RPGRIP1L: variants seen among roughly 807,000 people sequenced by gnomAD.
RPGRIP1L encodes the protein RPGRIP1 like, also known as protein fantom.
A neutral mutation model predicts 160.4 loss-of-function variants in RPGRIP1L; 131 were observed. The observed-to-expected ratio is 0.82, with a 90% CI of 0.71 to 0.94. The LOEUF (loss-of-function observed/expected upper bound fraction) is 0.94. Among genes scored for constraint, RPGRIP1L ranks in the 40% least tolerant of loss-of-function variants. RPGRIP1L has a pLI of 0.00. For missense variants in RPGRIP1L, 1,522 were observed against 1,535.8 expected (o/e 0.99, Z 0.15); for synonymous variants, 510 against 515.8 (o/e 0.99, Z 0.15).
At chr16:53,678,310 T>C (rs1461857185) in intron 6 of RPGRIP1L, among the ~76,000 whole-genome samples, 1 of 152,138 alleles carries the variant, frequency 6.6e-6, no homozygotes, top group Non-Finnish European at 1.5e-5. Flanking sequence ...CTCATATAAT[T>C]TGAAACAGTC....
chr16:53,605,976 G>A (rs1963656831), intron 25 of RPGRIP1L, among the ~76,000 whole-genome samples: 1 of 152,168 alleles, frequency 6.6e-6, no homozygotes, highest in Non-Finnish European at 1.5e-5. Flanking sequence ...TAAAGACCAT[G>A]GAGGTTAAAT....
intron 17 of RPGRIP1L, among the ~76,000 whole-genome samples, chr16:53,642,614 G>A (rs983054482): frequency 6.6e-6 from 1 of 152,126 alleles, no homozygotes; most frequent in Non-Finnish European, 1.5e-5. Flanking sequence ...AACCATTTAA[G>A]GAGTCTGGAA....
intron 9 of RPGRIP1L, among the ~76,000 whole-genome samples, chr16:53,669,008 T>C (rs1296272032): frequency 6.6e-6 from 1 of 152,204 alleles, no homozygotes; most frequent in Non-Finnish European, 1.5e-5. Flanking sequence ...CATATTTTTC[T>C]CCTGAAAACT....
intron 14 of RPGRIP1L, among the ~76,000 whole-genome samples, chr16:53,655,851 T>C (rs891956477): frequency 2.0e-5 from 3 of 152,178 alleles, no homozygotes; most frequent in Non-Finnish European, 2.9e-5. Context: ...TAGGAATAAT[T>C]AGAACCAGCT....
chr16:53,702,556 C>G (rs1971523855), intron 1 of RPGRIP1L, among the ~76,000 whole-genome samples: 1 of 152,204 alleles, frequency 6.6e-6, no homozygotes, highest in Non-Finnish European at 1.5e-5. Context: ...CCTTGTCTTG[C>G]TCAAGGCCTT....
chr16:53,625,328 C>G (rs1211970469), intron 22 of RPGRIP1L, among the ~76,000 whole-genome samples: 1 of 151,336 alleles, frequency 6.6e-6, no homozygotes, highest in Non-Finnish European at 1.5e-5. Context: ...AGCGCCTCCG[C>G]GGCTGCCCCA....
rs751020468 is a variant in RPGRIP1L, at chr16:53,692,335, TTAAC to T, written c.256_259del (p.Val86MetfsTer25). On this transcript the variant is annotated frameshift_variant, in exon 4 of 27. Coordinates refer to ENST00000647211, the MANE Select transcript of RPGRIP1L (RefSeq NM_015272.5). LOFTEE classifies it high-confidence loss of function. ...AACCCGCTCATATCTTTTCTTGTCA[TTAAC>T]TAGCCGTATTAACTTGGTGGCCATT... The T allele has an allele frequency of 2.5e-6, 4 of 1,614,190 alleles. No individual in the cohort carries two copies. The highest frequency in any genetic ancestry group is 1.3e-5 in the African/African-American group (1 of 75,042).
chr16:53,698,338 C>A (rs1255549224), intron 2 of RPGRIP1L, among the ~76,000 whole-genome samples: 1 of 146,210 alleles, frequency 6.8e-6, no homozygotes, highest in Non-Finnish European at 1.5e-5. Flanking sequence ...GCCCCCCGCC[C>A]GGCCAGCCAC....
chr16:53,622,737 G>A (rs1964815696), intron 22 of RPGRIP1L, among the ~76,000 whole-genome samples: 4 of 150,096 alleles, frequency 2.7e-5, no homozygotes, highest in African/African-American at 9.9e-5. Context: ...CCCAGGAGTT[G>A]GAGACCAGCC....
At chr16:53,685,452 C>A (rs1006828837) in intron 6 of RPGRIP1L, among the ~76,000 whole-genome samples, 6 of 152,156 alleles carry the variant, frequency 3.9e-5, no homozygotes, top group African/African-American at 1.4e-4. Context: ...ATGAAATTGA[C>A]CTAAATGCCC....
chr16:53,635,809 A>C (rs995117195), intron 22 of RPGRIP1L, among the ~76,000 whole-genome samples: 3 of 152,190 alleles, frequency 2.0e-5, no homozygotes, highest in South Asian at 2.1e-4. Context: ...CTTTATAAAA[A>C]CTTTTTCCCT....
intron 22 of RPGRIP1L, among the ~76,000 whole-genome samples, chr16:53,629,088 C>G (rs1053609142): frequency 4.6e-5 from 7 of 152,062 alleles, no homozygotes; most frequent in African/African-American, 1.7e-4. Flanking sequence ...CCCTCAATTT[C>G]AGGTGATTTT....
intron 8 of RPGRIP1L, among the ~76,000 whole-genome samples, chr16:53,672,179 G>A (rs558300483): frequency 1.3e-5 from 2 of 152,128 alleles, no homozygotes; most frequent in African/African-American, 2.4e-5. Context: ...ACATCCCTAT[G>A]GCTAAAATGT....
Position 53,703,701 on chromosome 16 carries a change from C to A in RPGRIP1L, c.-8+102G>T, listed in dbSNP as rs1260811253. 1.2e-5 allele frequency: 3 copies of A among 246,430 alleles called. No homozygotes were observed. In the East Asian group the frequency reaches 2.8e-4, roughly 23 times the overall value. The allele number at this position is 246,430 out of a possible 1,614,324, so 15.3% of individuals were successfully genotyped here. On this transcript the variant is annotated intron_variant, in intron 1 of 26. Coordinates refer to ENST00000647211, the MANE Select transcript of RPGRIP1L (RefSeq NM_015272.5). Reference sequence around the variant, plus strand: ...TCCAGGGCCAACTCCAGGGCCTTCTCCAGGCGGCAGAGCGGACCCTAGGAC... The same window carrying A: ...TCCAGGGCCAACTCCAGGGCCTTCTACAGGCGGCAGAGCGGACCCTAGGAC...
intron 12 of RPGRIP1L, 57 bp from the exon 13 acceptor site, chr16:53,657,689 T>G: frequency 1.1e-6 from 1 of 949,454 alleles, no homozygotes; most frequent in East Asian, 2.5e-5. Flanking sequence ...TGTGATTTTA[T>G]GAATTAATAT....
At chr16:53,695,511 C>T (rs529549331) in intron 3 of RPGRIP1L, 1 of 673,230 alleles carries the variant, frequency 1.5e-6, no homozygotes, top group African/African-American at 1.8e-5. Flanking sequence ...TCTGAACACA[C>T]TTTGTTTTTA....
intron 17 of RPGRIP1L, among the ~76,000 whole-genome samples, chr16:53,642,688 A>T (rs1966302116): frequency 6.6e-6 from 1 of 152,226 alleles, no homozygotes; most frequent in South Asian, 2.1e-4. Context: ...GCACCTCAGT[A>T]AGAACAGTAG....
chr16:53,658,998 A>G (rs1967529201), intron 10 of RPGRIP1L, 120 bp from the exon 11 acceptor site: 1 of 767,908 alleles, frequency 1.3e-6, no homozygotes, highest in Admixed American at 2.3e-5. Context: ...CTGGTCAGAA[A>G]GGAAACTGAG....
At chr16:53,695,140 G>C in intron 3 of RPGRIP1L, 2 of 550,392 alleles carry the variant, frequency 3.6e-6, no homozygotes, top group East Asian at 2.8e-5. Context: ...ATGTGAATTC[G>C]ATTCTTTTAC....
Sources: allele counts gnomAD v4.1 joint callset (sites outside exome capture counted in the v4.1 genomes callset), GRCh38; gene constraint gnomAD v4.1.1; transcripts MANE v1.5; gene names NCBI Gene and HGNC (gene_info 2026-07-23, HGNC 2026-07-21).